Variants in SNX13 observed in about 807,000 individuals in gnomAD.
The protein encoded by SNX13 is sorting nexin-13.
A neutral mutation model predicts 133.6 loss-of-function variants in SNX13; 45 were observed. The ratio of observed to expected loss-of-function variants is 0.34; its 90% confidence interval spans 0.27 to 0.43. SNX13 has a LOEUF of 0.43. Ranked by LOEUF, SNX13 falls within the 20% of genes least tolerant of loss-of-function variation. The pLI, the probability that SNX13 is intolerant of heterozygous loss-of-function variation, is 1.00. For synonymous variants in SNX13, 414 were observed against 373.9 expected (o/e 1.11, Z -1.24); for missense variants, 1,032 against 1,145.1 (o/e 0.90, Z 1.43).
intron 16 of SNX13, among the ~76,000 whole-genome samples, chr7:17,829,049 G>C (rs1216440505): frequency 6.6e-6 from 1 of 151,502 alleles, no homozygotes; most frequent in Non-Finnish European, 1.5e-5. Context: ...CAAAGTATCT[G>C]ACAATTCTAC....
intron 2 of SNX13, among the ~76,000 whole-genome samples, chr7:17,896,099 T>C (rs1164241386): frequency 6.6e-6 from 1 of 152,206 alleles, no homozygotes; most frequent in Non-Finnish European, 1.5e-5. Flanking sequence ...TCGCCTTAAC[T>C]GTGACTGAGA....
intron 11 of SNX13, among the ~76,000 whole-genome samples, chr7:17,846,292 C>G (rs919591848): frequency 1.3e-5 from 2 of 151,588 alleles, no homozygotes; most frequent in African/African-American, 4.8e-5. Flanking sequence ...AGAGCATCTA[C>G]GTATCAGGCT....
chr7:17,795,385 T>C (rs1005815937), intron 25 of SNX13: 1 of 151,658 alleles, frequency 6.6e-6, no homozygotes, highest in African/African-American at 2.4e-5. Flanking sequence ...AGCAAAAATT[T>C]TGAGAATTTA....
chr7:17,833,267 AACTC>A (rs770256724), intron 15 of SNX13, among the ~76,000 whole-genome samples: 23 of 151,640 alleles, frequency 1.5e-4, no homozygotes, highest in Non-Finnish European at 2.8e-4. Flanking sequence ...ATTCTTATAT[AACTC>A]ACTATTTACT....
intron 20 of SNX13, among the ~76,000 whole-genome samples, chr7:17,807,660 C>T (rs1785470031): frequency 6.6e-6 from 1 of 152,192 alleles, no homozygotes; most frequent in Admixed American, 6.5e-5. Context: ...AGCCCCATGC[C>T]TCCTGACTGG....
intron 4 of SNX13, 49 bp downstream of exon 4, chr7:17,891,497 T>G: frequency 7.4e-7 from 1 of 1,359,022 alleles, no homozygotes; most frequent in Non-Finnish European, 1.0e-6. Context: ...AAAAGAAATA[T>G]ACCTAGAACA....
intron 5 of SNX13, chr7:17,888,038 C>T (rs1236187671): frequency 2.6e-5 from 4 of 152,064 alleles, no homozygotes; most frequent in Admixed American, 6.6e-5. Flanking sequence ...GACTAATCTT[C>T]CTGATATTGG....
chr7:17,910,028 CTACAA>C (rs1426585499), intron 1 of SNX13, among the ~76,000 whole-genome samples: 1 of 152,142 alleles, frequency 6.6e-6, no homozygotes, highest in Non-Finnish European at 1.5e-5. Context: ...AAACCGAGCC[CTACAA>C]ACTGACTCCT....
chr7:17,834,447 G>A (rs937570907), intron 14 of SNX13, among the ~76,000 whole-genome samples: 1 of 151,776 alleles, frequency 6.6e-6, no homozygotes, highest in African/African-American at 2.4e-5. Flanking sequence ...ACATGTAAAG[G>A]TTCAAGGCTC....
intron 11 of SNX13, among the ~76,000 whole-genome samples, chr7:17,846,754 G>A (rs562360865): frequency 5.3e-4 from 81 of 152,124 alleles, no homozygotes; most frequent in African/African-American, 1.9e-3. Flanking sequence ...TAGATGTCTG[G>A]TAGAGAGCAA....
At chr7:17,897,231 A>T (rs1214331825) in intron 2 of SNX13, 103 bp downstream of exon 2, 2 of 535,714 alleles carry the variant, frequency 3.7e-6, no homozygotes, top group Non-Finnish European at 6.0e-6. Flanking sequence ...ATTTATTAAA[A>T]ATGGCATTCA....
intron 20 of SNX13, among the ~76,000 whole-genome samples, chr7:17,812,962 G>C (rs184417598): frequency 6.6e-6 from 1 of 152,200 alleles, no homozygotes; most frequent in African/African-American, 2.4e-5. Context: ...CACCGGGCCT[G>C]TCAGGGGGTT....
chr7:17,802,766 T>C (rs1014542938), intron 21 of SNX13, among the ~76,000 whole-genome samples: 12 of 152,174 alleles, frequency 7.9e-5, no homozygotes, highest in Non-Finnish European at 1.5e-4. Flanking sequence ...AAAATTCTAA[T>C]ACCTATATGT....
At chr7:17,795,771 T>C (rs899665339) in intron 25 of SNX13, 2 of 151,784 alleles carry the variant, frequency 1.3e-5, no homozygotes, top group Non-Finnish European at 3.0e-5. Flanking sequence ...TCAGTCCATA[T>C]AGCACAATCA....
At chr7:17,933,602 C>A (rs1053115623) in intron 1 of SNX13, among the ~76,000 whole-genome samples, 1 of 151,658 alleles carries the variant, frequency 6.6e-6, no homozygotes, top group Non-Finnish European at 1.5e-5. Context: ...GGTTTACCAA[C>A]CACACAAGAA....
intron 15 of SNX13, 28 bp from the exon 16 acceptor site, chr7:17,830,075 AC>A: frequency 1.3e-6 from 2 of 1,503,816 alleles, no homozygotes; most frequent in South Asian, 2.6e-5. Flanking sequence ...AACTTAGTAT[AC>A]AGCAAAAAAC....
At chr7:17,898,650 T>C (rs1797485807) in intron 1 of SNX13, among the ~76,000 whole-genome samples, 1 of 152,154 alleles carries the variant, frequency 6.6e-6, no homozygotes, top group South Asian at 2.1e-4. Context: ...AAATATATAG[T>C]TATATCACAC....
chr7:17,794,460 C>T, intron 25 of SNX13, 168 bp from the exon 26 acceptor site: 1 of 743,566 alleles, frequency 1.3e-6, no homozygotes, highest in South Asian at 2.0e-5. Flanking sequence ...TGCATCTTTG[C>T]ATGCATGCAT....
At chr7:17,891,778 C>T in intron 3 of SNX13, 143 bp from the exon 4 acceptor site, 2 of 517,932 alleles carry the variant, frequency 3.9e-6, no homozygotes, top group Non-Finnish European at 3.3e-6. Context: ...ACTCTATAAG[C>T]CAAACACTAT....
Sources: gnomAD v4.1 joint callset for allele counts (sites outside exome capture counted in the v4.1 genomes callset) on GRCh38, gnomAD v4.1.1 for gene constraint, MANE v1.5 for transcripts, NCBI Gene and HGNC (gene_info 2026-07-23, HGNC 2026-07-21) for gene names.